Variants in TMEM44 observed in about 807,000 individuals in gnomAD.
The protein encoded by TMEM44 is transmembrane protein 44.
Under a neutral mutation model 47.8 loss-of-function variants are expected in TMEM44, and 43 were observed. The observed-to-expected ratio is 0.90, with a 90% CI of 0.70 to 1.16. The LOEUF is 1.16. Among genes scored for constraint, TMEM44 ranks in the 50% most tolerant of loss-of-function variants. The pLI, the probability that TMEM44 is intolerant of heterozygous loss-of-function variation, is 0.00. For missense variants in TMEM44, 568 were observed against 555.2 expected (o/e 1.02, Z -0.23); for synonymous variants, 277 against 238.8 (o/e 1.16, Z -1.48).
chr3:194,632,742 A>G (rs1445162040), intron 1 of TMEM44, among the ~76,000 whole-genome samples: 1 of 152,164 alleles, frequency 6.6e-6, no homozygotes, highest in African/African-American at 2.4e-5. Context: ...ATCTCCGGTC[A>G]TAGGAGGCCC....
intron 1 of TMEM44, 180 bp downstream of exon 1, chr3:194,632,899 C>G: frequency 9.5e-7 from 1 of 1,048,140 alleles, no homozygotes; most frequent in East Asian, 3.3e-5. Context: ...CTTCCCTGTG[C>G]GTGGGATCCG....
chr3:194,625,870 G>C (rs1283677726), intron 3 of TMEM44, 27 bp downstream of exon 3: 1 of 1,575,476 alleles, frequency 6.3e-7, no homozygotes, highest in South Asian at 1.1e-5. Flanking sequence ...GGTGAATAAA[G>C]ACAGGAAAAG....
chr3:194,626,170 T>C (rs558303748), intron 2 of TMEM44, among the ~76,000 whole-genome samples, 180 bp from the exon 3 acceptor site: 1 of 152,256 alleles, frequency 6.6e-6, no homozygotes, highest in African/African-American at 2.4e-5. Context: ...ACTTGGCTGA[T>C]GAGGAGATGA....
Position 194,620,088 on chromosome 3 carries a change from C to T in TMEM44, c.613-2819G>A, listed in dbSNP as rs181725190. On this transcript the variant is annotated intron_variant, in intron 5 of 9. Coordinates refer to ENST00000347147, the MANE Select transcript of TMEM44 (RefSeq NM_001011655.3). Reference sequence around the variant, plus strand: ...GGTGGATCACCGAATGTCAGGAGTTCGAGACCAGCCTGGCCAACATGGAGA... The same window carrying T: ...GGTGGATCACCGAATGTCAGGAGTTTGAGACCAGCCTGGCCAACATGGAGA... 8.6e-4 allele frequency among the ~76,000 whole-genome samples: 131 copies of T among 152,102 alleles called. 1 individual carries two copies. The highest frequency in any genetic ancestry group is 5.4e-3 in the South Asian group (26 of 4,810).
At chr3:194,602,831 C>G (rs1241803399) in intron 9 of TMEM44, among the ~76,000 whole-genome samples, 1 of 152,176 alleles carries the variant, frequency 6.6e-6, no homozygotes, top group Non-Finnish European at 1.5e-5. Flanking sequence ...TTCTGAGTTT[C>G]AGATTTCAAG....
In TMEM44 at chr3:194,588,566, T is replaced by G; in HGVS notation, c.1250A>C (p.Asp417Ala). The G allele has an allele frequency of 8.7e-6, 14 of 1,614,120 alleles. No homozygotes were observed. The highest frequency in any genetic ancestry group is 1.1e-5 in the Non-Finnish European group (13 of 1,180,026). ...ACTCAGGTGTGCTGTCCTCACAGAG[T>G]CCTGGTGCACCTGGGATCCCAGTAG... ...VELLGSQVHQ[D>A]SVRTAHLSDD... is the part of the protein sequence containing the mutation. Residue 417 changes from aspartate (D) to alanine (A), a missense_variant, in exon 10 of 10, where the codon GAC becomes GCC. By Grantham distance (126) the Asp-to-Ala change is moderately radical (BLOSUM62 -2). Coordinates refer to ENST00000347147, the MANE Select transcript of TMEM44 (RefSeq NM_001011655.3).
intron 1 of TMEM44, among the ~76,000 whole-genome samples, chr3:194,630,120 T>C (rs13092788): frequency 1.9e-5 from 2 of 107,178 alleles, no homozygotes; most frequent in African/African-American, 7.4e-5. Context: ...GCGTCACTGA[T>C]AGGGCCCCTG....
chr3:194,599,703 G>T (rs1247841628), intron 9 of TMEM44, among the ~76,000 whole-genome samples: 1 of 150,298 alleles, frequency 6.7e-6, no homozygotes, highest in Admixed American at 6.7e-5. Context: ...TCCTGCCTCA[G>T]CCTCCTGAGT....
chr3:194,593,299 G>A (rs1225677290), intron 9 of TMEM44, among the ~76,000 whole-genome samples: 1 of 152,014 alleles, frequency 6.6e-6, no homozygotes, highest in African/African-American at 2.4e-5. Flanking sequence ...TAATTATGAA[G>A]GGCTGCACGT....
chr3:194,604,337 C>T lies in TMEM44; in HGVS notation c.1126G>A (p.Val376Met), dbSNP rs996501085. 2 of 1,576,740 alleles carry T rather than the reference C, an allele frequency of 1.3e-6. No individual in the cohort carries two copies. Among genetic ancestry groups the T allele is most frequent in the East Asian group, 2.4e-5 (1 of 42,476 alleles). ...YPPVQVIRAR[V>M]SSGSSSEVSS... Reference sequence around the variant, plus strand: ...ACCTCAGAGGAGCTGCCGGAAGACACCCGGGCCCGGATGACCTGAACGGGA... The same window carrying T: ...ACCTCAGAGGAGCTGCCGGAAGACATCCGGGCCCGGATGACCTGAACGGGA... The change falls in exon 9 of 10, where the codon GTG (valine) becomes ATG (methionine). Residue 376 changes from valine to methionine, a missense_variant. Physicochemically the swap from Val to Met is conservative, Grantham distance 21. Coordinates refer to ENST00000347147, the MANE Select transcript of TMEM44 (RefSeq NM_001011655.3).
chr3:194,625,860 G>A (rs1427878519), intron 3 of TMEM44, 37 bp downstream of exon 3: 2 of 1,545,168 alleles, frequency 1.3e-6, no homozygotes, highest in African/African-American at 1.4e-5. Context: ...TGAATGAATG[G>A]GTGAATAAAG....
intron 9 of TMEM44, among the ~76,000 whole-genome samples, chr3:194,601,735 C>T (rs776016546): frequency 5.9e-5 from 9 of 152,176 alleles, no homozygotes; most frequent in Admixed American, 2.6e-4. Flanking sequence ...CAGGCATGAG[C>T]CACTGTGCCT....
At chr3:194,610,781 C>G (rs1715237413) in intron 8 of TMEM44, 135 bp downstream of exon 8, 1 of 746,244 alleles carries the variant, frequency 1.3e-6, no homozygotes, top group Non-Finnish European at 2.2e-6. Flanking sequence ...CAGCCTTGGA[C>G]AGCTCCTTCT....
chr3:194,605,130 A>G (rs1714632061), intron 8 of TMEM44, among the ~76,000 whole-genome samples: 1 of 147,330 alleles, frequency 6.8e-6, no homozygotes, highest in South Asian at 2.2e-4. Context: ...GTATCTATCT[A>G]TGTATCTATC....
At chr3:194,617,926 C>A in intron 5 of TMEM44, 1 of 577,482 alleles carries the variant, frequency 1.7e-6, no homozygotes, top group Non-Finnish European at 3.1e-6. Context: ...CACCCTCTTG[C>A]ACTCTCTCTC....
chr3:194,628,592 C>A, intron 1 of TMEM44, 83 bp from the exon 2 acceptor site: 1 of 1,463,298 alleles, frequency 6.8e-7, no homozygotes, highest in South Asian at 1.4e-5. Flanking sequence ...CAACTGTGAC[C>A]CCGCATCGTC....
chr3:194,599,643 G>A (rs1439237087), intron 9 of TMEM44, among the ~76,000 whole-genome samples: 1 of 147,256 alleles, frequency 6.8e-6, no homozygotes, highest in African/African-American at 2.6e-5. Context: ...GGAATGCGGT[G>A]GCTTGATCTT....
At chr3:194,617,446 T>A in intron 5 of TMEM44, 177 bp from the exon 6 acceptor site, 1 of 766,772 alleles carries the variant, frequency 1.3e-6, no homozygotes, top group Non-Finnish European at 2.1e-6. Flanking sequence ...GTCAAACTCC[T>A]ACTCATCCCT....
chr3:194,623,113 C>T lies in TMEM44; in HGVS notation c.612+111G>A, dbSNP rs183475256. On this transcript the variant is annotated intron_variant, in intron 5 of 9. Coordinates refer to ENST00000347147, the MANE Select transcript of TMEM44 (RefSeq NM_001011655.3). The stretch of plus-strand genomic sequence containing the variant: ...TCTTCAGGAAAAGCTGAGCCCATGT[C>T]CATGCACCCACGGTGACGCCACACC... The T allele has an allele frequency of 2.9e-6, 3 of 1,020,958 alleles. No homozygotes were observed. The African/African-American group carries it at 4.9e-5, about 17-fold the overall frequency. The allele number at this position is 1,020,958 out of a possible 1,614,324, so 63.2% of individuals were successfully genotyped here. A position where few individuals can be genotyped will look rare whatever the true frequency, so the allele number is the denominator to read the frequency against.
Sources: gnomAD v4.1 joint callset for allele counts (sites outside exome capture counted in the v4.1 genomes callset) on GRCh38, gnomAD v4.1.1 for gene constraint, MANE v1.5 for transcripts, NCBI Gene and HGNC (gene_info 2026-07-23, HGNC 2026-07-21) for gene names.